Variants in PPP2R2B observed in about 807,000 individuals in gnomAD.
PPP2R2B encodes the protein serine/threonine-protein phosphatase 2A 55 kDa regulatory subunit B beta isoform.
A neutral mutation model predicts 46.0 loss-of-function variants in PPP2R2B; 5 were observed. The observed-to-expected ratio is 0.11, with a 90% CI of 0.06 to 0.23. The LOEUF is 0.23. Among genes scored for constraint, PPP2R2B ranks in the 10% least tolerant of loss-of-function variants. The pLI, the probability that PPP2R2B is intolerant of heterozygous loss-of-function variation, is 1.00. For missense variants in PPP2R2B, 367 were observed against 575.0 expected, an observed-to-expected ratio of 0.64 and a Z score of 3.70; for synonymous variants, 215 against 206.7, an observed-to-expected ratio of 1.04 and a Z score of -0.34.
At chr5:146,950,466 G>T (rs772927885) in intron 1 of PPP2R2B, among the ~76,000 whole-genome samples, 5 of 152,008 alleles carry the variant, frequency 3.3e-5, no homozygotes, top group Non-Finnish European at 5.9e-5. Flanking sequence ...TTTCAAGTTG[G>T]CAGCACAGTG....
At chr5:146,816,250 A>T (rs1269268856) in intron 2 of PPP2R2B, among the ~76,000 whole-genome samples, 5 of 152,154 alleles carry the variant, frequency 3.3e-5, no homozygotes, top group African/African-American at 9.7e-5. Flanking sequence ...CAAAAAAATT[A>T]AAAAATTGGC....
chr5:146,871,419 G>T (rs184606318), intron 2 of PPP2R2B, among the ~76,000 whole-genome samples: 140 of 152,298 alleles, frequency 9.2e-4, no homozygotes, highest in African/African-American at 3.2e-3. Flanking sequence ...CTACACTGGG[G>T]ATGAGTGACA....
chr5:146,945,025 T>C (rs933220835), intron 1 of PPP2R2B, among the ~76,000 whole-genome samples: 1 of 152,200 alleles, frequency 6.6e-6, no homozygotes, highest in Non-Finnish European at 1.5e-5. Context: ...TTTACACAGA[T>C]AGACAAACTG....
intron 1 of PPP2R2B, among the ~76,000 whole-genome samples, chr5:146,943,446 A>T (rs920240064): frequency 6.6e-6 from 1 of 152,208 alleles, no homozygotes; most frequent in Non-Finnish European, 1.5e-5. Flanking sequence ...ATTTATCAAC[A>T]TTCTTGCTGT....
intron 2 of PPP2R2B, among the ~76,000 whole-genome samples, chr5:146,735,512 G>A (rs894958177): frequency 6.6e-6 from 1 of 152,154 alleles, no homozygotes; most frequent in South Asian, 2.1e-4. Flanking sequence ...AATGCTGCAA[G>A]GTTCGATTAG....
At chr5:147,010,716 G>A (rs576680235) in intron 1 of PPP2R2B, among the ~76,000 whole-genome samples, 2 of 152,218 alleles carry the variant, frequency 1.3e-5, no homozygotes, top group African/African-American at 2.4e-5. Context: ...CTGCTGTGTG[G>A]CCCAGTTCTT....
At chr5:146,689,171 T>C (rs1192983928) in intron 5 of PPP2R2B, among the ~76,000 whole-genome samples, 2 of 152,160 alleles carry the variant, frequency 1.3e-5, no homozygotes, top group South Asian at 2.1e-4. Context: ...CATTGAGTGC[T>C]TTTTGTGAGC....
At chr5:146,966,460 T>C (rs903793220) in intron 1 of PPP2R2B, among the ~76,000 whole-genome samples, 2 of 152,176 alleles carry the variant, frequency 1.3e-5, no homozygotes, top group Admixed American at 6.5e-5. Context: ...AGAACTGTAT[T>C]CTTACACTGC....
At chr5:147,032,043 C>A (rs983092884) in intron 1 of PPP2R2B, among the ~76,000 whole-genome samples, 1 of 152,098 alleles carries the variant, frequency 6.6e-6, no homozygotes, top group East Asian at 1.9e-4. Flanking sequence ...AGATAAATAG[C>A]TGGGACCTAA....
intron 5 of PPP2R2B, among the ~76,000 whole-genome samples, chr5:146,668,012 C>T (rs779359252): frequency 1.3e-5 from 2 of 152,208 alleles, no homozygotes; most frequent in Non-Finnish European, 2.9e-5. Context: ...ATCACATCCA[C>T]ACCTTTTCCT....
chr5:146,776,094 G>A (rs1178409575), intron 2 of PPP2R2B, among the ~76,000 whole-genome samples: 11 of 152,130 alleles, frequency 7.2e-5, no homozygotes, highest in East Asian at 5.8e-4. Context: ...GATTCAATGC[G>A]ATCCCTATCA....
intron 2 of PPP2R2B, among the ~76,000 whole-genome samples, chr5:146,806,621 A>T (rs1219951100): frequency 2.0e-5 from 3 of 152,228 alleles, no homozygotes; most frequent in Non-Finnish European, 4.4e-5. Flanking sequence ...CCAACATTAA[A>T]AATGAAGCAA....
intron 2 of PPP2R2B, among the ~76,000 whole-genome samples, chr5:146,722,122 A>C (rs1581952637): frequency 6.6e-6 from 1 of 152,198 alleles, no homozygotes; most frequent in South Asian, 2.1e-4. Context: ...CTTCTAACAT[A>C]GGCAGTCTAA....
chr5:146,600,242 C>T, intron 8 of PPP2R2B, 49 bp downstream of exon 8: 1 of 1,580,080 alleles, frequency 6.3e-7, no homozygotes, highest in Non-Finnish European at 8.6e-7. Context: ...GACTTAAAAG[C>T]TCATGAAGGG....
chr5:146,732,017 G>A (rs932875223), intron 2 of PPP2R2B, among the ~76,000 whole-genome samples: 5 of 152,096 alleles, frequency 3.3e-5, no homozygotes, highest in Non-Finnish European at 7.4e-5. Context: ...CCCGTTTACG[G>A]TTTAAAAACA....
intron 2 of PPP2R2B, among the ~76,000 whole-genome samples, chr5:146,781,402 T>A (rs1312445132): frequency 1.3e-5 from 2 of 151,482 alleles, no homozygotes; most frequent in Non-Finnish European, 2.9e-5. Context: ...AACTTGAATA[T>A]TCCATTTGCC....
chr5:146,856,733 C>CA (rs1290836294), intron 2 of PPP2R2B: 1 of 632,202 alleles, frequency 1.6e-6, no homozygotes, highest in African/African-American at 1.8e-5. Context: ...TCCAGGCTAA[C>CA]AAGGTAACAC....
At chr5:146,849,012 C>A (rs147959592) in intron 2 of PPP2R2B, among the ~76,000 whole-genome samples, 1 of 152,224 alleles carries the variant, frequency 6.6e-6, no homozygotes, top group African/African-American at 2.4e-5. Flanking sequence ...TTTTGACATA[C>A]CTCCATCAGT....
chr5:146,640,581 G>A (rs574649655), intron 6 of PPP2R2B, among the ~76,000 whole-genome samples: 1 of 152,290 alleles, frequency 6.6e-6, no homozygotes, highest in South Asian at 2.1e-4. Flanking sequence ...ATATCCCACT[G>A]TGCCTGTGAA....
Sources: gnomAD v4.1 joint callset for allele counts (sites outside exome capture counted in the v4.1 genomes callset) on GRCh38, gnomAD v4.1.1 for gene constraint, MANE v1.5 for transcripts, NCBI Gene and HGNC (gene_info 2026-07-23, HGNC 2026-07-21) for gene names.